Variants in NRXN2 observed in about 807,000 individuals in gnomAD.
The protein encoded by NRXN2 is neurexin 2, also known as neurexin-2-beta.
In NRXN2, 29 loss-of-function variants were observed where a neutral mutation model predicts 128.8. The ratio of observed to expected loss-of-function variants is 0.23; its 90% CI spans 0.17 to 0.31. The LOEUF (loss-of-function observed/expected upper bound fraction) is 0.31. NRXN2 is among the 10% of genes least tolerant of loss of function. The pLI is 1.00. For missense variants in NRXN2, 1,881 were observed against 2,452.6 expected (o/e 0.77, Z 4.92); for synonymous variants, 1,098 against 1,075.2 (o/e 1.02, Z -0.41).
Position 64,607,256 on chromosome 11 carries a change from C to G in NRXN2, c.5079G>C (p.Pro1693=), listed in dbSNP as rs555191930. The change falls in exon 23 of 23, where the codon CCG becomes CCC. Residue 1693 remains proline, a synonymous_variant. Coordinates refer to ENST00000265459, the MANE Select transcript of NRXN2 (RefSeq NM_015080.4). ...SNGAVVKEKA[P]AAPKTPSKAK... ...CCTTGCTGGGCGTCTTGGGGGCAGC[C>G]GGGGCCTTCTCTTTCACCACCGCCC... 2 of 1,613,798 alleles carry G rather than the reference C, an allele frequency of 1.2e-6. No individual in the cohort carries two copies. The highest frequency in any genetic ancestry group is 1.3e-5 in the African/African-American group (1 of 74,850).
chr11:64,688,782 G>C, intron 5 of NRXN2: 1 of 985,330 alleles, frequency 1.0e-6, no homozygotes, highest in Non-Finnish European at 1.2e-6. Flanking sequence ...CTGCATTTCT[G>C]AGAACCATGC....
At chr11:64,716,637 C>A (rs533519476) in intron 1 of NRXN2, among the ~76,000 whole-genome samples, 1 of 152,108 alleles carries the variant, frequency 6.6e-6, no homozygotes, top group Non-Finnish European at 1.5e-5. Context: ...CAGGGAGGGT[C>A]GGAAGCAGGG....
intron 11 of NRXN2, among the ~76,000 whole-genome samples, chr11:64,657,066 G>A (rs1216116458): frequency 1.3e-5 from 2 of 152,176 alleles, no homozygotes; most frequent in Admixed American, 6.5e-5. Flanking sequence ...GCTGCCTCCT[G>A]GAGCAATAGC....
chr11:64,622,897 C>T lies in NRXN2; in HGVS notation c.4029G>A (p.Gly1343=), dbSNP rs777540876. Residue 1343 remains glycine (G), a synonymous_variant, in exon 21 of 23, where the codon GGG becomes GGA. Coordinates refer to ENST00000265459, the MANE Select transcript of NRXN2 (RefSeq NM_015080.4). The surrounding 1 kb of genome is among the most constrained non-coding windows in gnomAD (Gnocchi z 4.3). ...TEGHLRLVGE[G]PSVLLSAETT... Reference sequence around the variant, plus strand: ...TCTCCGCACTGAGCAGCACGGACGGCCCCTCCCCCACCAGGCGCAGGTGAC... The same window carrying T: ...TCTCCGCACTGAGCAGCACGGACGGTCCCTCCCCCACCAGGCGCAGGTGAC... 3.1e-6 allele frequency: 5 copies of T among 1,612,982 alleles called. No homozygotes were observed. In the South Asian group the frequency reaches 4.4e-5, roughly 14 times the overall value.
chr11:64,697,377 C>T (rs2054694467), intron 3 of NRXN2, among the ~76,000 whole-genome samples: 1 of 152,208 alleles, frequency 6.6e-6, no homozygotes, highest in Middle Eastern at 3.2e-3. Flanking sequence ...CAACAGCCCA[C>T]CCCAGCCTGC....
In NRXN2 at chr11:64,631,253, A is replaced by G. The variant is rs546456514; in HGVS notation, c.3586-680T>C. Among the ~76,000 whole-genome samples, 428 of 139,522 alleles carry G rather than the reference A, an allele frequency of 3.1e-3. 2 individuals carry two copies. The highest frequency in any genetic ancestry group is 0.011 in the African/African-American group (404 of 37,758). The allele number at this position is 139,522 out of a possible 152,430, so 91.5% of individuals were successfully genotyped here. On this transcript the variant is annotated intron_variant, in intron 18 of 22. Coordinates refer to ENST00000265459, the MANE Select transcript of NRXN2 (RefSeq NM_015080.4). The surrounding 1 kb of genome is among the most constrained non-coding windows in gnomAD (Gnocchi z 4.8). ...CACCAGAAGAGCTGAGGGTCAAACT[A>G]TGCTAGACTGACCAAGAAAGGGGAT...
rs1402572551 is a variant in NRXN2, at chr11:64,660,393, C to T, written c.2328G>A (p.Glu776=). The change falls in exon 11 of 23, where the codon GAG becomes GAA. Residue 776 remains glutamate, a synonymous_variant. Transcript: ENST00000265459. This position sits in a 1 kb window ranked among gnomAD's most constrained non-coding sequence, Gnocchi z 5.2. ...YGLMMATTSR[E]SADTLRLELD... ...GCTCCAGGCGTAGGGTGTCGGCAGA[C>T]TCCCTGGAAGTGGTGGCCATCATGA... 4 of 1,614,088 alleles carry T rather than the reference C, an allele frequency of 2.5e-6. No individual in the cohort carries two copies. The highest frequency in any genetic ancestry group is 3.4e-6 in the Non-Finnish European group (4 of 1,180,048).
chr11:64,722,604 C>T (rs2057462482), intron 1 of NRXN2, among the ~76,000 whole-genome samples: 1 of 151,970 alleles, frequency 6.6e-6, no homozygotes, highest in Non-Finnish European at 1.5e-5. Flanking sequence ...CACAACAGCT[C>T]CTCTGGCCCG....
intron 7 of NRXN2, among the ~76,000 whole-genome samples, chr11:64,674,878 T>C (rs561271010): frequency 1.3e-5 from 2 of 152,326 alleles, no homozygotes; most frequent in Non-Finnish European, 2.9e-5. Flanking sequence ...ACTGACCCCA[T>C]GTAGTAGGCA....
intron 17 of NRXN2, among the ~76,000 whole-genome samples, chr11:64,638,163 C>T (rs2045070943): frequency 6.6e-6 from 1 of 152,196 alleles, no homozygotes; most frequent in African/African-American, 2.4e-5. Flanking sequence ...GCCCGCGGCG[C>T]ACAGGCTGCC....
intron 9 of NRXN2, among the ~76,000 whole-genome samples, chr11:64,666,596 C>T (rs997191318): frequency 6.6e-6 from 1 of 151,978 alleles, no homozygotes; most frequent in Non-Finnish European, 1.5e-5. Flanking sequence ...CAGAGTCTCG[C>T]TCTGTCGCTC....
At chr11:64,706,079 A>T (rs1459959839) in intron 2 of NRXN2, among the ~76,000 whole-genome samples, 1 of 58,784 alleles carries the variant, frequency 1.7e-5, no homozygotes, top group African/African-American at 7.2e-5. Context: ...TATATATATA[A>T]TATATATAAT....
intron 2 of NRXN2, among the ~76,000 whole-genome samples, chr11:64,700,822 C>T (rs1208578802): frequency 1.3e-5 from 2 of 152,148 alleles, no homozygotes; most frequent in Non-Finnish European, 2.9e-5. Context: ...TCTTTAGAGC[C>T]GCTGTCTCTG....
chr11:64,625,883 T>C (rs1215240960), intron 20 of NRXN2, among the ~76,000 whole-genome samples: 2 of 152,190 alleles, frequency 1.3e-5, no homozygotes, highest in African/African-American at 2.4e-5. Context: ...TGGACTAACC[T>C]GGGCTTGTTC....
chr11:64,622,678 T>C lies in NRXN2; in HGVS notation c.4173+75A>G. ...CTTGGACCCTCACTCTAGGCACCACTACTGTGGCTATGCAGATATCAACCC... is the reference window on the plus strand; with the variant it reads ...CTTGGACCCTCACTCTAGGCACCACCACTGTGGCTATGCAGATATCAACCC... On this transcript the variant is annotated intron_variant, in intron 21 of 22. Transcript: ENST00000265459. This position sits in a 1 kb window ranked among gnomAD's most constrained non-coding sequence, Gnocchi z 4.3. 3 of 1,545,470 alleles carry C rather than the reference T, an allele frequency of 1.9e-6. No homozygotes were observed. Among genetic ancestry groups the C allele is most frequent in the Non-Finnish European group, 1.7e-6 (2 of 1,144,390 alleles).
At chr11:64,626,624 C>G in intron 19 of NRXN2, 72 bp from the exon 20 acceptor site, 1 of 1,104,700 alleles carries the variant, frequency 9.1e-7, no homozygotes, top group Admixed American at 1.7e-5. Context: ...AGTAATTATG[C>G]AATCCTCAGG....
At chr11:64,708,774 T>C (rs1023906789) in intron 2 of NRXN2, among the ~76,000 whole-genome samples, 1 of 152,196 alleles carries the variant, frequency 6.6e-6, no homozygotes, top group African/African-American at 2.4e-5. Context: ...CAATGGCAAA[T>C]ATAATATCAA....
At chr11:64,686,340 C>A (rs1272049421) in intron 5 of NRXN2, among the ~76,000 whole-genome samples, 1 of 152,186 alleles carries the variant, frequency 6.6e-6, no homozygotes, top group Admixed American at 6.5e-5. Flanking sequence ...CCTTACTTCT[C>A]CCTGGGTGCT....
intron 7 of NRXN2, among the ~76,000 whole-genome samples, chr11:64,672,091 T>G (rs1390192084): frequency 1.3e-5 from 2 of 152,176 alleles, no homozygotes; most frequent in African/African-American, 4.8e-5. Flanking sequence ...CTGGAAGAGT[T>G]GTGTCCAGCC....
Sources: gnomAD v4.1 joint callset for allele counts (sites outside exome capture counted in the v4.1 genomes callset) on GRCh38, gnomAD v4.1.1 for gene constraint, Gnocchi (gnomAD v3.1) non-coding constraint, MANE v1.5 for transcripts, NCBI Gene and HGNC (gene_info 2026-07-23, HGNC 2026-07-21) for gene names.